The following HORMAD2 variants were observed in gnomAD, a reference collection of about 807,000 sequenced individuals.
HORMAD2 encodes HORMA domain-containing protein 2.
Under a neutral mutation model 38.8 loss-of-function variants are expected in HORMAD2, and 45 were observed. The ratio of observed to expected loss-of-function variants is 1.16; its 90% CI spans 0.91 to 1.49. HORMAD2 has a LOEUF of 1.49. Ranked by LOEUF, HORMAD2 falls within the 40% of genes most tolerant of loss-of-function variation. HORMAD2 has a pLI of 0.00. For synonymous variants in HORMAD2, 126 were observed against 122.8 expected (o/e 1.03, Z -0.17); for missense variants, 338 against 367.0 (o/e 0.92, Z 0.65).
rs1020358249 is a variant in HORMAD2 at position 30,114,367 on chromosome 22, T to C, written c.342+1845T>C. Among the ~76,000 whole-genome samples, 30 of 152,168 alleles carry C rather than the reference T, an allele frequency of 2.0e-4. 2 individuals carry two copies. On this transcript the variant is annotated intron_variant, in intron 7 of 10. Coordinates refer to ENST00000336726, the MANE Select transcript of HORMAD2 (RefSeq NM_152510.4). ...ACTCAAAGGAGCCCAAACAAATCAG[T>C]AATAATTACAATGTAACTACTACTG...
intron 10 of HORMAD2, among the ~76,000 whole-genome samples, chr22:30,174,397 T>C (rs1355003218): frequency 1.3e-5 from 2 of 152,170 alleles, no homozygotes; most frequent in Non-Finnish European, 2.9e-5. Context: ...ATATAGTGTG[T>C]ATATGTTATT....
intron 10 of HORMAD2, among the ~76,000 whole-genome samples, chr22:30,170,593 C>T (rs1158777309): frequency 6.6e-6 from 1 of 152,138 alleles, no homozygotes; most frequent in Non-Finnish European, 1.5e-5. Context: ...TTCCTACCAT[C>T]TCATATATTT....
At chr22:30,164,933 A>C (rs1487900061) in intron 10 of HORMAD2, among the ~76,000 whole-genome samples, 1 of 152,234 alleles carries the variant, frequency 6.6e-6, no homozygotes, top group Non-Finnish European at 1.5e-5. Context: ...CCTTTGATGC[A>C]CAAAAGTTTT....
At chr22:30,088,457 G>A (rs2068625262) in intron 1 of HORMAD2, among the ~76,000 whole-genome samples, 1 of 151,260 alleles carries the variant, frequency 6.6e-6, no homozygotes, top group South Asian at 2.1e-4. Flanking sequence ...TTTAATCTAG[G>A]CCATCCATAC....
intron 2 of HORMAD2, among the ~76,000 whole-genome samples, chr22:30,096,442 T>C (rs1288908543): frequency 6.6e-6 from 1 of 152,078 alleles, no homozygotes; most frequent in South Asian, 2.1e-4. Context: ...TTTAAAACTT[T>C]TAGCCATTTT....
chr22:30,085,528 C>T (rs2068555450), intron 1 of HORMAD2, among the ~76,000 whole-genome samples: 1 of 152,108 alleles, frequency 6.6e-6, no homozygotes. Context: ...CCAAAGTGGG[C>T]AGATCACTTG....
At chr22:30,164,267 C>A (rs1925638257) in intron 10 of HORMAD2, among the ~76,000 whole-genome samples, 1 of 152,160 alleles carries the variant, frequency 6.6e-6, no homozygotes, top group Non-Finnish European at 1.5e-5. Context: ...CATGGGTGTA[C>A]AAATATTTGT....
At chr22:30,111,751 G>A (rs1407673445) in intron 5 of HORMAD2, 45 bp from the exon 6 acceptor site, 4 of 1,415,670 alleles carry the variant, frequency 2.8e-6, no homozygotes, top group Admixed American at 2.2e-5. Flanking sequence ...GATAATATAG[G>A]TGCAAGTATG....
chr22:30,099,294 C>T (rs1192934000), intron 3 of HORMAD2, among the ~76,000 whole-genome samples: 3 of 152,100 alleles, frequency 2.0e-5, no homozygotes, highest in Admixed American at 6.6e-5. Flanking sequence ...ATTTGCGCTA[C>T]GTTGTGCCTC....
chr22:30,113,006 G>T (rs995904919), intron 7 of HORMAD2, among the ~76,000 whole-genome samples: 3 of 151,782 alleles, frequency 2.0e-5, no homozygotes, highest in Non-Finnish European at 2.9e-5. Flanking sequence ...TGTTTTTATA[G>T]ATTTTCAGAG....
intron 3 of HORMAD2, among the ~76,000 whole-genome samples, chr22:30,101,863 C>A (rs1920948418): frequency 6.6e-6 from 1 of 151,976 alleles, no homozygotes; most frequent in African/African-American, 2.4e-5. Flanking sequence ...GCCTAGGAAT[C>A]CAAGACCAGC....
chr22:30,165,527 A>G (rs1487432523), intron 10 of HORMAD2, among the ~76,000 whole-genome samples: 2 of 152,188 alleles, frequency 1.3e-5, no homozygotes, highest in African/African-American at 4.8e-5. Flanking sequence ...TTGTCTTTCA[A>G]TCTATGAATG....
chr22:30,188,132 C>G, the HORMAD2 span, among the ~76,000 whole-genome samples: 2 of 152,136 alleles, frequency 1.3e-5, no homozygotes, highest in African/African-American at 4.8e-5. Context: ...CAATAAGCAT[C>G]TCTGAAGCCA....
At chr22:30,182,999 C>T in the HORMAD2 span, among the ~76,000 whole-genome samples, 1 of 152,204 alleles carries the variant, frequency 6.6e-6, no homozygotes, top group Non-Finnish European at 1.5e-5. Flanking sequence ...CTTTCCAGAG[C>T]TATTTTAGGC....
chr22:30,202,362 G>A, the HORMAD2 span, among the ~76,000 whole-genome samples: 8 of 152,106 alleles, frequency 5.3e-5, 1 homozygote, highest in South Asian at 1.7e-3. Flanking sequence ...AATGAAAGTG[G>A]GGGTTTGGGG....
chr22:30,184,794 TA>T, the HORMAD2 span: 1 of 152,144 alleles, frequency 6.6e-6, no homozygotes, highest in Non-Finnish European at 1.5e-5. Context: ...ACAGAAATGA[TA>T]ATAGCAGAAG....
At chr22:30,180,589 G>A (rs1417042077), downstream of HORMAD2, among the ~76,000 whole-genome samples, 13 of 152,128 alleles carry the variant, frequency 8.5e-5, 1 homozygote, top group South Asian at 1.7e-3. Context: ...CAGTTTATTC[G>A]ATCTATAAAA....
chr22:30,129,662 T>C (rs906367587), intron 10 of HORMAD2, among the ~76,000 whole-genome samples: 34 of 152,098 alleles, frequency 2.2e-4, no homozygotes, highest in African/African-American at 8.2e-4. Flanking sequence ...GTGGGAAAGT[T>C]TCATTAAGTT....
chr22:30,090,257 A>AGAG (rs527405880), intron 1 of HORMAD2, among the ~76,000 whole-genome samples: 191 of 152,208 alleles, frequency 1.3e-3, no homozygotes, highest in African/African-American at 4.1e-3. Flanking sequence ...CAGCTACTCG[A>AGAG]GAGGCTGAGG....
Sources: gnomAD v4.1 joint callset for allele counts (sites outside exome capture counted in the v4.1 genomes callset) on GRCh38, gnomAD v4.1.1 for gene constraint, MANE v1.5 for transcripts, NCBI Gene and HGNC (gene_info 2026-07-23, HGNC 2026-07-21) for gene names.